Variants in LRRTM4 observed in about 807,000 individuals in gnomAD.
LRRTM4 encodes the protein leucine-rich repeat transmembrane neuronal protein 4.
Under a neutral mutation model 47.6 loss-of-function variants are expected in LRRTM4, and 25 were observed. The ratio of observed to expected loss-of-function variants is 0.53; its 90% CI spans 0.38 to 0.73. The LOEUF is 0.73. LRRTM4 is among the 30% of genes least tolerant of loss of function. The pLI is 0.00. For missense variants in LRRTM4, 638 were observed against 713.4 expected, an observed-to-expected ratio of 0.89 and a Z score of 1.20; for synonymous variants, 311 against 269.5, an observed-to-expected ratio of 1.15 and a Z score of -1.51.
rs528886420 is a variant in LRRTM4, at chr2:76,942,567, T to C, written c.1552-193651A>G. ...AAATAGAAAATGTATGAATTTTTAT[T>C]ACAAAAATGATCTGTCAAAAAGCTT... On this transcript the variant is annotated intron_variant, in intron 3 of 3. Coordinates refer to ENST00000409884, the MANE Select transcript of LRRTM4 (RefSeq NM_001134745.3). 2.9e-4 allele frequency among the ~76,000 whole-genome samples: 44 copies of C among 151,992 alleles called. No homozygotes were observed. The South Asian group carries it at 8.9e-3, about 31-fold the overall frequency.
chr2:77,375,516 C>T (rs1672803665), intron 3 of LRRTM4, among the ~76,000 whole-genome samples: 1 of 151,720 alleles, frequency 6.6e-6, no homozygotes, highest in African/African-American at 2.4e-5. Flanking sequence ...ACTATAGGCA[C>T]AATACTGTAT....
intron 3 of LRRTM4, among the ~76,000 whole-genome samples, chr2:77,292,001 A>T (rs1005538339): frequency 6.6e-6 from 1 of 151,924 alleles, no homozygotes; most frequent in African/African-American, 2.4e-5. Context: ...ATTTACAAGA[A>T]AAAAACAAAC....
chr2:76,923,401 TAAA>T (rs1348294477), intron 3 of LRRTM4, among the ~76,000 whole-genome samples: 2 of 151,878 alleles, frequency 1.3e-5, no homozygotes, highest in Non-Finnish European at 2.9e-5. Context: ...AATTTACTAT[TAAA>T]TAAGTTATAT....
chr2:77,254,476 T>C (rs868221443), intron 3 of LRRTM4, among the ~76,000 whole-genome samples: 2 of 151,796 alleles, frequency 1.3e-5, no homozygotes, highest in Admixed American at 6.6e-5. Flanking sequence ...GAACAAACCT[T>C]GGAATATTAA....
intron 3 of LRRTM4, among the ~76,000 whole-genome samples, chr2:76,940,559 C>T (rs1187840643): frequency 6.6e-6 from 1 of 151,990 alleles, no homozygotes; most frequent in East Asian, 1.9e-4. Context: ...ACATGGGTGA[C>T]AAAATAATCT....
At chr2:77,276,245 T>G (rs2104085298) in intron 3 of LRRTM4, among the ~76,000 whole-genome samples, 1 of 151,664 alleles carries the variant, frequency 6.6e-6, no homozygotes, top group Non-Finnish European at 1.5e-5. Flanking sequence ...AATTGCCTAT[T>G]TCAGAGCCTC....
At chr2:77,188,855 T>C (rs765398516) in intron 3 of LRRTM4, among the ~76,000 whole-genome samples, 1 of 152,182 alleles carries the variant, frequency 6.6e-6, no homozygotes, top group Non-Finnish European at 1.5e-5. Context: ...CTAATTCTAA[T>C]CCACCAGTGA....
intron 3 of LRRTM4, among the ~76,000 whole-genome samples, chr2:77,249,772 G>A (rs4404304): frequency 0.55 from 82,586 of 151,386 alleles, 22,827 homozygotes; most frequent in African/African-American, 0.6. Context: ...TTCTTACAAA[G>A]CTAACATACT....
intron 3 of LRRTM4, among the ~76,000 whole-genome samples, chr2:76,866,411 G>A (rs1672470094): frequency 6.6e-6 from 1 of 152,088 alleles, no homozygotes; most frequent in South Asian, 2.1e-4. Context: ...TTTCCTTAGA[G>A]CAATTTCAAT....
chr2:77,190,592 A>G (rs529566200), intron 3 of LRRTM4, among the ~76,000 whole-genome samples: 2 of 151,910 alleles, frequency 1.3e-5, no homozygotes, highest in Non-Finnish European at 2.9e-5. Flanking sequence ...GCACCACCGC[A>G]CCCAGCCAAC....
At chr2:76,919,078 C>T (rs150874755) in intron 3 of LRRTM4, among the ~76,000 whole-genome samples, 2 of 152,234 alleles carry the variant, frequency 1.3e-5, no homozygotes, top group African/African-American at 4.8e-5. Flanking sequence ...AAGAGTCACA[C>T]AGACATTCTT....
intron 3 of LRRTM4, among the ~76,000 whole-genome samples, chr2:77,288,631 C>T (rs898245815): frequency 6.6e-6 from 1 of 151,982 alleles, no homozygotes; most frequent in Non-Finnish European, 1.5e-5. Flanking sequence ...AGCACGCATC[C>T]AGGCAAAAAA....
At chr2:77,370,024 G>A (rs1672603926) in intron 3 of LRRTM4, among the ~76,000 whole-genome samples, 1 of 151,684 alleles carries the variant, frequency 6.6e-6, no homozygotes, top group African/African-American at 2.4e-5. Context: ...TGCACAATAT[G>A]ATTTATTTTA....
rs1273475012 is a variant in LRRTM4 at position 77,258,876 on chromosome 2, A to T, written c.1551+259442T>A. Among the ~76,000 whole-genome samples the T allele has an allele frequency of 2.0e-5, 3 of 152,022 alleles. No individual in the cohort carries two copies. In the East Asian group the frequency reaches 5.8e-4, roughly 29 times the overall value. ...AGAATAATATAAGAGTGATATTTTT[A>T]AAAACATACCAGGCAAAAATTAAAA... On this transcript the variant is annotated intron_variant, in intron 3 of 3. Transcript: ENST00000409884.
intron 3 of LRRTM4, among the ~76,000 whole-genome samples, chr2:76,914,093 A>G (rs185849223): frequency 6.6e-6 from 1 of 151,994 alleles, no homozygotes; most frequent in Admixed American, 6.6e-5. Context: ...ACTATCTTTT[A>G]CTGGGATTAG....
At chr2:76,781,698 A>T (rs1262539833) in intron 3 of LRRTM4, among the ~76,000 whole-genome samples, 2 of 152,238 alleles carry the variant, frequency 1.3e-5, no homozygotes, top group Non-Finnish European at 2.9e-5. Context: ...ATGGAAATGC[A>T]GAAATCACCC....
At chr2:77,283,561 G>A (rs1480883415) in intron 3 of LRRTM4, among the ~76,000 whole-genome samples, 1 of 151,976 alleles carries the variant, frequency 6.6e-6, no homozygotes, top group East Asian at 1.9e-4. Flanking sequence ...CAAAGTCATG[G>A]AATCAACCTA....
intron 3 of LRRTM4, among the ~76,000 whole-genome samples, chr2:76,915,712 CTT>C (rs1452807853): frequency 6.6e-6 from 1 of 151,972 alleles, no homozygotes; most frequent in Non-Finnish European, 1.5e-5. Context: ...AAAGTATTCT[CTT>C]TGAGCAAATA....
In LRRTM4 at chr2:77,461,138, T is replaced by TGAGAGAGAGAGA. The variant is rs72075725; in HGVS notation, c.1551+57168_1551+57179dup. ...TATATACGTACATTTACATACACAGTGAGAGAGAGAGAGAGAGAGAGAGAG... is the reference window on the plus strand; with the variant it reads ...TATATACGTACATTTACATACACAGTGAGAGAGAGAGAGAGAGAGAGAGAGAGAGAGAGAGAG... On this transcript the variant is annotated intron_variant, in intron 3 of 3. Transcript: ENST00000409884. 2.0e-3 allele frequency among the ~76,000 whole-genome samples: 289 copies of TGAGAGAGAGAGA among 145,450 alleles called. 3 individuals carry two copies. The South Asian group carries it at 0.021, about 10-fold the overall frequency.
Sources: allele counts gnomAD v4.1 joint callset (sites outside exome capture counted in the v4.1 genomes callset), GRCh38; gene constraint gnomAD v4.1.1; transcripts MANE v1.5; gene names NCBI Gene and HGNC (gene_info 2026-07-23, HGNC 2026-07-21).